Variants in RNF213 observed in about 807,000 individuals in gnomAD.
RNF213 encodes E3 ubiquitin-protein ligase RNF213.
Under a neutral mutation model 514.4 loss-of-function variants are expected in RNF213, and 341 were observed. That is an observed-to-expected ratio of 0.66 (90% CI 0.61 to 0.73). The LOEUF (loss-of-function observed/expected upper bound fraction) is 0.73, where lower values mean the gene tolerates loss of function less well. RNF213 is among the 30% of genes least tolerant of loss of function. RNF213 has a pLI of 0.00. For missense variants in RNF213, 5,767 were observed against 6,615.6 expected (o/e 0.87, Z 4.45); for synonymous variants, 2,655 against 2,658.2 (o/e 1.00, Z 0.04).
rs529982274 is a variant in RNF213, at chr17:80,280,706, C to T, written c.262-7109C>T. Among the ~76,000 whole-genome samples the T allele has an allele frequency of 2.0e-5, 3 of 152,264 alleles. No individual in the cohort carries two copies. In the South Asian group the frequency reaches 6.2e-4, roughly 32 times the overall value. On this transcript the variant is annotated intron_variant, in intron 3 of 67. Coordinates refer to ENST00000582970, the MANE Select transcript of RNF213 (RefSeq NM_001256071.3). ...CTGGGCTCAAGCAATTCTCCCGCCC[C>T]AGCCTCCCAAAGTGCAGGGATTACA...
chr17:80,355,802 A>G (rs1170816756), intron 36 of RNF213, among the ~76,000 whole-genome samples: 17 of 121,154 alleles, frequency 1.4e-4, no homozygotes, highest in South Asian at 2.9e-4. Context: ...AAGCGGGGTG[A>G]CCGGGAATGG....
At chr17:80,281,549 A>AC (rs1174581132) in intron 3 of RNF213, among the ~76,000 whole-genome samples, 1 of 33,476 alleles carries the variant, frequency 3.0e-5, no homozygotes, top group Non-Finnish European at 6.3e-5. Context: ...CCACTCACAC[A>AC]CCCCCCAAGA....
chr17:80,356,425 G>C (rs1376866984), intron 36 of RNF213, among the ~76,000 whole-genome samples: 1 of 152,240 alleles, frequency 6.6e-6, no homozygotes, highest in Non-Finnish European at 1.5e-5. Flanking sequence ...GTCGTGTTCT[G>C]TGGTCACCGT....
At chr17:80,298,642 C>T (rs1020335972) in intron 11 of RNF213, 124 bp downstream of exon 11, 16 of 1,016,912 alleles carry the variant, frequency 1.6e-5, no homozygotes, top group Middle Eastern at 2.2e-4. Flanking sequence ...AACTAACACA[C>T]GCTCTTTTAA....
chr17:80,373,269 C>A, intron 49 of RNF213, 104 bp downstream of exon 49: 1 of 822,522 alleles, frequency 1.2e-6, no homozygotes, highest in Non-Finnish European at 1.9e-6. Flanking sequence ...CCCCACACCC[C>A]ACCCCCTCAC....
intron 11 of RNF213, among the ~76,000 whole-genome samples, chr17:80,304,510 G>A (rs1034059054): frequency 4.6e-5 from 7 of 152,036 alleles, no homozygotes; most frequent in African/African-American, 1.2e-4. Flanking sequence ...CGTGGTGGCA[G>A]GCGCCTGTAG....
In RNF213 at chr17:80,336,272, C is replaced by A; in HGVS notation, c.4421C>A (p.Ser1474Tyr). ...CFHDAVQGYA[S>Y]LLFKLDPSVD... ...CATGACGCTGTGCAGGGCTACGCAT[C>A]CCTGCTATTTAAGCTGGACCCCAGC... Residue 1474 changes from serine to tyrosine, a missense_variant, in exon 23 of 68, where the codon TCC (serine) becomes TAC (tyrosine). Physicochemically the swap from Ser to Tyr is moderately radical, Grantham distance 144. This residue lies in a region of RNF213 where 1,377 missense variants were observed against 1,635.2 expected (regional missense o/e 0.84). Transcript: ENST00000582970. 6.5e-7 allele frequency: 1 copy of A among 1,537,260 alleles called. No individual in the cohort carries two copies. Among genetic ancestry groups the A allele is most frequent in the Non-Finnish European group, 8.7e-7 (1 of 1,146,926 alleles).
chr17:80,334,404 G>A (rs930179154), intron 22 of RNF213, 134 bp downstream of exon 22: 5 of 940,440 alleles, frequency 5.3e-6, no homozygotes, highest in Non-Finnish European at 7.7e-6. Flanking sequence ...GACGTTGCCT[G>A]CATGCTTTAG....
At chr17:80,307,854 G>GTTTTT (rs59352873) in intron 13 of RNF213, among the ~76,000 whole-genome samples, 1 of 130,744 alleles carries the variant, frequency 7.6e-6, no homozygotes, top group Non-Finnish European at 1.7e-5. Flanking sequence ...CTGGCCGTCT[G>GTTTTT]TTTTTTTTTT....
At chr17:80,316,138 A>C (rs1024286183) in intron 15 of RNF213, 1 of 152,060 alleles carries the variant, frequency 6.6e-6, no homozygotes, top group African/African-American at 2.4e-5. Context: ...TGTAACCCCA[A>C]CTCTTTAGGA....
At chr17:80,380,799 G>C (rs1332310828) in intron 55 of RNF213, 32 bp from the exon 56 acceptor site, 3 of 1,614,060 alleles carry the variant, frequency 1.9e-6, no homozygotes, top group Non-Finnish European at 2.5e-6. Context: ...GCCAGCCTCA[G>C]CCTCTGTCTT....
chr17:80,295,701 G>A lies in RNF213; in HGVS notation c.1900G>A (p.Glu634Lys), dbSNP rs866956441. The A allele has an allele frequency of 1.9e-6, 3 of 1,614,174 alleles. No homozygotes were observed. Among genetic ancestry groups the A allele is most frequent in the Non-Finnish European group, 2.5e-6 (3 of 1,180,020 alleles). Residue 634 changes from glutamate (E) to lysine (K), a missense_variant, in exon 10 of 68, where the codon GAG becomes AAG. Physicochemically the swap from Glu to Lys is moderately conservative, Grantham distance 56. This residue lies in a region of RNF213 where 592 missense variants were observed against 673.9 expected (regional missense o/e 0.88). Coordinates refer to ENST00000582970, the MANE Select transcript of RNF213 (RefSeq NM_001256071.3). ...TGTCCTTTTTGTAGTGGAAAAAATT[G>A]AGCTTTTATTAGAAGGCAGCCTGGA... Reference protein sequence around the residue: ...LIVLFVVEKIELLLEGSLDWL... With the variant: ...LIVLFVVEKIKLLLEGSLDWL...
intron 42 of RNF213, among the ~76,000 whole-genome samples, chr17:80,366,278 G>C (rs1364145335): frequency 6.6e-6 from 1 of 152,190 alleles, no homozygotes; most frequent in African/African-American, 2.4e-5. Context: ...GGAATTCCTG[G>C]ATCATTTGAT....
Position 80,355,486 on chromosome 17 carries a change from A to AG in RNF213, c.10862+911dup, listed in dbSNP as rs1491473871. 3.9e-4 allele frequency among the ~76,000 whole-genome samples: 10 copies of AG among 25,764 alleles called. No homozygotes were observed. In the East Asian group the frequency reaches 5.8e-3, roughly 15 times the overall value. 16.9% of individuals were successfully genotyped at this position (25,764 alleles called of 152,430 possible). ...GGGGTGACCGGGAATGGGGGCTCAC[A>AG]GAGGAAGAAGCGGGGTGACCGGGAA... On this transcript the variant is annotated intron_variant, in intron 36 of 67. Transcript: ENST00000582970.
chr17:80,388,944 C>A (rs2080349548), intron 64 of RNF213: 1 of 622,190 alleles, frequency 1.6e-6, no homozygotes, highest in Non-Finnish European at 2.9e-6. Context: ...GCGGGAAGTC[C>A]ATGGAACCGA....
At chr17:80,350,522 C>T (rs944914132) in intron 31 of RNF213, 126 bp downstream of exon 31, 3 of 689,032 alleles carry the variant, frequency 4.4e-6, no homozygotes, top group Non-Finnish European at 7.7e-6. Flanking sequence ...AACAATTCTT[C>T]CCCCGCCTCA....
chr17:80,262,468 A>T (rs1436339950), intron 1 of RNF213, among the ~76,000 whole-genome samples: 1 of 151,828 alleles, frequency 6.6e-6, no homozygotes. Flanking sequence ...CACTCAGGTG[A>T]TCTCAGAGCT....
rs370166212 is a variant in RNF213, at chr17:80,381,777, C to T, written c.13978+50C>T. On this transcript the variant is annotated intron_variant, in intron 57 of 67. Coordinates refer to ENST00000582970, the MANE Select transcript of RNF213 (RefSeq NM_001256071.3). ...CGGGGATCACACAGCACAACGGCAG[C>T]GCAAGCAGGCTCGCTGTCTTGTGGG... 1.4e-4 allele frequency: 216 copies of T among 1,551,086 alleles called. No homozygotes were observed. In the African/African-American group the frequency reaches 2.2e-3, roughly 16 times the overall value.
At chr17:80,365,835 G>T (rs546134996) in intron 42 of RNF213, among the ~76,000 whole-genome samples, 1 of 152,230 alleles carries the variant, frequency 6.6e-6, no homozygotes, top group Admixed American at 6.5e-5. Context: ...CAGGTCCAGC[G>T]TGGGTCATAA....
Sources: allele counts gnomAD v4.1 joint callset (sites outside exome capture counted in the v4.1 genomes callset), GRCh38; gene constraint gnomAD v4.1.1; regional missense constraint gnomAD v4.1.1; transcripts MANE v1.5; gene names NCBI Gene and HGNC (gene_info 2026-07-23, HGNC 2026-07-21).